CACNA1H: variants seen among roughly 807,000 people sequenced by gnomAD.
The protein encoded by CACNA1H is calcium voltage-gated channel subunit alpha1 H.
CACNA1H carries 149 observed loss-of-function variants against 192.5 expected under a neutral mutation model. The observed-to-expected ratio is 0.77, with a 90% CI of 0.68 to 0.89. The LOEUF is 0.89. CACNA1H is among the 40% of genes least tolerant of loss of function. CACNA1H has a pLI of 0.00. For missense variants in CACNA1H, 4,257 were observed against 3,423.5 expected (o/e 1.24, Z -6.08); for synonymous variants, 2,202 against 1,475.2 (o/e 1.49, Z -11.29).
intron 2 of CACNA1H, among the ~76,000 whole-genome samples, chr16:1,194,658 G>A (rs765246351): frequency 6.6e-6 from 1 of 152,186 alleles, no homozygotes. Flanking sequence ...GCCCTCACTG[G>A]GGCCTCACTA....
rs372759314 is a variant in CACNA1H at position 1,204,223 on chromosome 16, G to T, written c.2216G>T (p.Arg739Leu). The change falls in exon 10 of 35, where the codon CGC (arginine) becomes CTC (leucine). Residue 739 changes from arginine (R) to leucine (L), a missense_variant. Arg to Leu is a moderately radical substitution (Grantham distance 102). Coordinates refer to ENST00000348261, the MANE Select transcript of CACNA1H (RefSeq NM_021098.3). The part of the protein sequence containing the change: ...EFTQDVRHGD[R>L]WDPTRPPRAT... ...ACGCAGGACGTCCGGCACGGTGACC[G>T]CTGGGACCCCACGCGACCACCCCGT... 10 of 1,611,580 alleles carry T rather than the reference G, an allele frequency of 6.2e-6. No homozygotes were observed. The highest frequency in any genetic ancestry group is 5.0e-5 in the Admixed American group (3 of 59,886).
chr16:1,181,469 C>T (rs544851950), intron 2 of CACNA1H, among the ~76,000 whole-genome samples: 1 of 152,348 alleles, frequency 6.6e-6, no homozygotes, highest in African/African-American at 2.4e-5. Context: ...GTGGTCGTGC[C>T]CCCGAGGTCC....
intron 25 of CACNA1H, 120 bp downstream of exon 25, chr16:1,212,258 C>G: frequency 7.2e-7 from 1 of 1,395,000 alleles, no homozygotes; most frequent in Non-Finnish European, 9.5e-7. Flanking sequence ...ACCCGCCTTG[C>G]CTGGGCCTGC....
Position 1,210,496 on chromosome 16 carries a change from GAGTC to G in CACNA1H, c.3969+6_3969+9del, listed in dbSNP as rs1361155684. On this transcript the variant is annotated splice_donor_5th_base_variant and intron_variant, in intron 19 of 34. Coordinates refer to ENST00000348261, the MANE Select transcript of CACNA1H (RefSeq NM_021098.3). ...CTGACATTGATCCCGGCAGCACCGT[GAGTC>G]AGCCAACCCCATCGTCCCGGGCCAC... The G allele has an allele frequency of 6.2e-7, 1 of 1,611,704 alleles. No individual in the cohort carries two copies. Among genetic ancestry groups the G allele is most frequent in the South Asian group, 1.1e-5 (1 of 91,062 alleles).
rs766911796 is a variant in CACNA1H, at chr16:1,209,239, A to G, written c.3571A>G (p.Thr1191Ala). Residue 1191 changes from threonine (T) to alanine (A), a missense_variant, in exon 17 of 35, where the codon ACC (threonine) becomes GCC (alanine). Transcript: ENST00000348261. ...DGRAAPGPRA[T>A]PLRRAESLDP... Reference sequence around the variant, plus strand: ...CAGGGCCGCGCCCGGGCCCCGTGCCACCCCACTGCGGCGGGCCGAGTCCCT... The same window carrying G: ...CAGGGCCGCGCCCGGGCCCCGTGCCGCCCCACTGCGGCGGGCCGAGTCCCT... 1 of 1,545,218 alleles carries G rather than the reference A, an allele frequency of 6.5e-7. No individual in the cohort carries two copies. Among genetic ancestry groups the G allele is most frequent in the African/African-American group, 1.4e-5 (1 of 72,476 alleles).
intron 2 of CACNA1H, among the ~76,000 whole-genome samples, chr16:1,156,094 C>T (rs886878562): frequency 2.0e-5 from 3 of 152,130 alleles, no homozygotes; most frequent in Non-Finnish European, 4.4e-5. Flanking sequence ...TCCTGCCCTT[C>T]GATGGCATCC....
Position 1,194,987 on chromosome 16 carries a change from G to A in CACNA1H, c.315G>A (p.Val105=), listed in dbSNP as rs776856944. The A allele has an allele frequency of 5.6e-6, 9 of 1,611,910 alleles. No homozygotes were observed. Among genetic ancestry groups the A allele is most frequent in the Non-Finnish European group, 7.6e-6 (9 of 1,179,196 alleles). Residue 105 remains valine (V), a synonymous_variant, in exon 3 of 35, where the codon GTG becomes GTA. Transcript: ENST00000348261. ...GCGGCGACACATGGTTCGAGCACGT[G>A]AGCATGCTGGTAATCATGCTCAACT... ...RLVCNPWFEH[V]SMLVIMLNCV... is the part of the protein sequence containing the mutation.
intron 22 of CACNA1H, 60 bp downstream of exon 22, chr16:1,211,354 G>T (rs937528832): frequency 3.9e-5 from 63 of 1,608,910 alleles, no homozygotes; most frequent in East Asian, 2.5e-4. Flanking sequence ...TGCCTTCCCA[G>T]CGTGGCTCCC....
Position 1,218,064 on chromosome 16 carries a change from G to A in CACNA1H, c.5445+24G>A, listed in dbSNP as rs1039393790. 4.4e-6 allele frequency: 7 copies of A among 1,591,028 alleles called. No homozygotes were observed. In the African/African-American group the frequency reaches 9.4e-5, roughly 21 times the overall value. On this transcript the variant is annotated intron_variant, in intron 32 of 34. Transcript: ENST00000348261. ...AGGTACCCGCCGCGGCCATGCCTCTGGCACCTGGCAGCCCCAGCGGTTTTT... is the reference window on the plus strand; with the variant it reads ...AGGTACCCGCCGCGGCCATGCCTCTAGCACCTGGCAGCCCCAGCGGTTTTT...
chr16:1,154,618 G>C (rs1287844342), intron 2 of CACNA1H, among the ~76,000 whole-genome samples: 1 of 152,188 alleles, frequency 6.6e-6, no homozygotes, highest in African/African-American at 2.4e-5. Flanking sequence ...GGCTGAACTC[G>C]GTGGCGGGGC....
chr16:1,202,345 C>T lies in CACNA1H; in HGVS notation c.1895C>T (p.Pro632Leu). The T allele has an allele frequency of 6.4e-7, 1 of 1,571,914 alleles. No homozygotes were observed. The highest frequency in any genetic ancestry group is 1.2e-5 in the South Asian group (1 of 85,360). Residue 632 changes from proline (P) to leucine (L), a missense_variant, in exon 9 of 35, where the codon CCC becomes CTC. Coordinates refer to ENST00000348261, the MANE Select transcript of CACNA1H (RefSeq NM_021098.3). ...GGCAAAGGCAGCACCAGCCCCGGAC[C>T]CAAGGGGAAGTGGGCCGGTGGACCG... ...GSGKGSTSPG[P>L]KGKWAGGPPG...
intron 2 of CACNA1H, among the ~76,000 whole-genome samples, chr16:1,164,570 G>A (rs1179145808): frequency 6.6e-6 from 1 of 152,244 alleles, no homozygotes; most frequent in Non-Finnish European, 1.5e-5. Flanking sequence ...GGCCTGCAGC[G>A]TGGGCACAGG....
Position 1,162,639 on chromosome 16 carries a change from TGG to T in CACNA1H, c.299+8614_299+8615del, listed in dbSNP as rs36082375. 3.0e-3 allele frequency among the ~76,000 whole-genome samples: 283 copies of T among 93,162 alleles called. 3 individuals carry two copies. The highest frequency in any genetic ancestry group is 9.9e-3 in the African/African-American group (240 of 24,198). 61.1% of individuals were successfully genotyped at this position (93,162 alleles called of 152,430 possible). On this transcript the variant is annotated intron_variant, in intron 2 of 34. Coordinates refer to ENST00000348261, the MANE Select transcript of CACNA1H (RefSeq NM_021098.3). ...GGCCAGCTCCTGCGGACACCTGGAGTGGGGGGGGGGGGTCCATCCTAGGAGGA... is the reference window on the plus strand; with the variant it reads ...GGCCAGCTCCTGCGGACACCTGGAGTGGGGGGGGGGTCCATCCTAGGAGGA...
intron 31 of CACNA1H, among the ~76,000 whole-genome samples, 175 bp from the exon 32 acceptor site, chr16:1,217,744 C>G (rs911249675): frequency 1.3e-5 from 2 of 152,256 alleles, no homozygotes; most frequent in Non-Finnish European, 2.9e-5. Context: ...GGGGCTCCGA[C>G]CTCACACCCA....
Position 1,209,121 on chromosome 16 carries a change from C to A in CACNA1H, c.3453C>A (p.Ala1151=). ...RRSSWSSLGR[A]PSLKRRGQCG... ...CCAGCTGGAGCAGCCTGGGCCGTGC[C>A]CCCAGCCTCAAGCGCCGCGGCCAGT... is the stretch of plus-strand genomic sequence containing the variant. Residue 1151 remains alanine, a synonymous_variant, in exon 17 of 35, where the codon GCC becomes GCA. Coordinates refer to ENST00000348261, the MANE Select transcript of CACNA1H (RefSeq NM_021098.3). 1 of 1,555,976 alleles carries A rather than the reference C, an allele frequency of 6.4e-7. No homozygotes were observed. Among genetic ancestry groups the A allele is most frequent in the Non-Finnish European group, 8.7e-7 (1 of 1,151,570 alleles).
rs1045420020 is a variant in CACNA1H at position 1,162,042 on chromosome 16, G to A, written c.299+8006G>A. Among the ~76,000 whole-genome samples the A allele has an allele frequency of 5.3e-5, 8 of 152,302 alleles. No homozygotes were observed. The East Asian group carries it at 1.4e-3, about 26-fold the overall frequency. The stretch of plus-strand genomic sequence containing the variant: ...CCCTGCTCCGGACCCTGTCGGGGTC[G>A]TGTCACCTCCTGGGCGTTGGTTTTC... On this transcript the variant is annotated intron_variant, in intron 2 of 34. Coordinates refer to ENST00000348261, the MANE Select transcript of CACNA1H (RefSeq NM_021098.3).
chr16:1,207,470 TGAGAA>T (rs2141309882), intron 14 of CACNA1H, 40 bp downstream of exon 14: 2 of 1,597,376 alleles, frequency 1.3e-6, no homozygotes, highest in Middle Eastern at 1.7e-4. Flanking sequence ...AGGAGGGCGA[TGAGAA>T]GAGAGACGGG....
At chr16:1,196,916 A>G (rs938617112) in intron 5 of CACNA1H, among the ~76,000 whole-genome samples, 4 of 152,146 alleles carry the variant, frequency 2.6e-5, no homozygotes, top group Admixed American at 6.5e-5. Context: ...GCGCGAGTGC[A>G]TACTGCGTGT....
chr16:1,186,875 G>A (rs1262483890), intron 2 of CACNA1H, among the ~76,000 whole-genome samples: 1 of 152,162 alleles, frequency 6.6e-6, no homozygotes, highest in African/African-American at 2.4e-5. Flanking sequence ...TCCCACTCCC[G>A]TGGCCTCGAG....
Sources: allele counts gnomAD v4.1 joint callset (sites outside exome capture counted in the v4.1 genomes callset), GRCh38; gene constraint gnomAD v4.1.1; transcripts MANE v1.5; gene names NCBI Gene and HGNC (gene_info 2026-07-23, HGNC 2026-07-21).